Variants in DTD1 observed in about 807,000 individuals in gnomAD.
The protein encoded by DTD1 is D-aminoacyl-tRNA deacylase 1.
DTD1 carries 13 observed loss-of-function variants against 25.6 expected under a neutral mutation model. The ratio of observed to expected loss-of-function variants is 0.51; its 90% CI spans 0.33 to 0.81. The LOEUF is 0.81. Ranked by LOEUF, DTD1 falls within the 30% of genes least tolerant of loss-of-function variation. DTD1 has a pLI of 0.02. For synonymous variants in DTD1, 110 were observed against 103.6 expected (o/e 1.06, Z -0.37); for missense variants, 193 against 266.4 (o/e 0.72, Z 1.92).
intron 4 of DTD1, among the ~76,000 whole-genome samples, chr20:18,690,983 T>A (rs2061044432): frequency 6.6e-6 from 1 of 152,198 alleles, no homozygotes; most frequent in Non-Finnish European, 1.5e-5. Flanking sequence ...TCAAAAGAAG[T>A]CATATGCATG....
chr20:18,625,559 C>A (rs1051984200), intron 3 of DTD1, among the ~76,000 whole-genome samples: 1 of 152,194 alleles, frequency 6.6e-6, no homozygotes, highest in Non-Finnish European at 1.5e-5. Flanking sequence ...TGGATGCTAG[C>A]GGCTTCCAGA....
At chr20:18,599,472 G>T (rs946431035) in intron 3 of DTD1, among the ~76,000 whole-genome samples, 2 of 152,208 alleles carry the variant, frequency 1.3e-5, no homozygotes, top group African/African-American at 4.8e-5. Flanking sequence ...ACCATGCCTG[G>T]CCAAACATCT....
At position 18,719,271 on chromosome 20, in the gene DTD1, T is replaced by C. The variant is rs575120478; in HGVS notation, c.478-24829T>C. On this transcript the variant is annotated intron_variant, in intron 4 of 5. Coordinates refer to ENST00000377452, the MANE Select transcript of DTD1 (RefSeq NM_080820.6). The stretch of plus-strand genomic sequence containing the variant: ...TGTGTGTGTGTGTGTGTGTGTGTGT[T>C]TGTGTATCTTGATTATTCATGTATT... Among the ~76,000 whole-genome samples, 294 of 142,120 alleles carry C rather than the reference T, an allele frequency of 2.1e-3. 13 individuals carry two copies. The South Asian group carries it at 0.057, about 27-fold the overall frequency. The allele number at this position is 142,120 out of a possible 152,430, so 93.2% of individuals were successfully genotyped here. A position where few individuals can be genotyped will look rare whatever the true frequency, so the allele number is the denominator to read the frequency against.
chr20:18,661,356 G>A (rs2060909006), intron 4 of DTD1, among the ~76,000 whole-genome samples: 1 of 146,104 alleles, frequency 6.8e-6, no homozygotes, highest in Admixed American at 7.0e-5. Context: ...TTTTTACTGT[G>A]TTGAGTCTTC....
At chr20:18,650,438 T>C (rs2060870019) in intron 4 of DTD1, among the ~76,000 whole-genome samples, 1 of 152,118 alleles carries the variant, frequency 6.6e-6, no homozygotes, top group Non-Finnish European at 1.5e-5. Flanking sequence ...TGGCCATCCT[T>C]CTCCATGATG....
At chr20:18,676,697 A>G (rs1286437353) in intron 4 of DTD1, among the ~76,000 whole-genome samples, 1 of 152,182 alleles carries the variant, frequency 6.6e-6, no homozygotes, top group East Asian at 1.9e-4. Flanking sequence ...CTTGAAGACC[A>G]GAGATGTCCT....
intron 4 of DTD1, among the ~76,000 whole-genome samples, chr20:18,708,180 T>G: frequency 1.0e-5 from 1 of 97,480 alleles, no homozygotes; most frequent in South Asian, 3.1e-4. Flanking sequence ...TGTATATATA[T>G]ATTTTATATA....
intron 4 of DTD1, among the ~76,000 whole-genome samples, chr20:18,650,021 T>C (rs1488997764): frequency 6.6e-6 from 1 of 152,164 alleles, no homozygotes; most frequent in Non-Finnish European, 1.5e-5. Flanking sequence ...GAGACTAGGC[T>C]GGGCAACACA....
chr20:18,632,434 G>A, intron 4 of DTD1: 1 of 985,498 alleles, frequency 1.0e-6, no homozygotes, highest in Non-Finnish European at 1.2e-6. Flanking sequence ...TTAGGTTGGT[G>A]CTGGCCTGTG....
At chr20:18,702,981 G>A (rs775695492) in intron 4 of DTD1, among the ~76,000 whole-genome samples, 16 of 152,104 alleles carry the variant, frequency 1.1e-4, no homozygotes, top group Non-Finnish European at 1.6e-4. Flanking sequence ...CTGTCCTGCT[G>A]GGTGGGTCAG....
chr20:18,696,549 T>C (rs1342007571), intron 4 of DTD1, among the ~76,000 whole-genome samples: 2 of 152,034 alleles, frequency 1.3e-5, no homozygotes, highest in Non-Finnish European at 2.9e-5. Context: ...AACTGTAGTT[T>C]TTGTTTGTTT....
chr20:18,651,275 C>T (rs901761470), intron 4 of DTD1, among the ~76,000 whole-genome samples: 5 of 152,190 alleles, frequency 3.3e-5, no homozygotes, highest in African/African-American at 1.2e-4. Context: ...CCTCAGCTTC[C>T]AGAGTAGCTG....
intron 4 of DTD1, among the ~76,000 whole-genome samples, chr20:18,686,923 T>C (rs955361765): frequency 2.6e-5 from 4 of 152,290 alleles, no homozygotes; most frequent in African/African-American, 9.6e-5. Flanking sequence ...TCCACAAATA[T>C]TTATTTAGCA....
At chr20:18,756,566 G>T in intron 5 of DTD1, among the ~76,000 whole-genome samples, 1 of 152,194 alleles carries the variant, frequency 6.6e-6, no homozygotes. Flanking sequence ...TTTTGTCAAA[G>T]ATCAGATAGT....
In DTD1 at chr20:18,617,391, TAC is replaced by T. The variant is rs1036859244; in HGVS notation, c.371-10728_371-10727del. 4.0e-5 allele frequency among the ~76,000 whole-genome samples: 6 copies of T among 150,208 alleles called. No individual in the cohort carries two copies. The South Asian group carries it at 1.0e-3, about 26-fold the overall frequency. On this transcript the variant is annotated intron_variant, in intron 3 of 5. Transcript: ENST00000377452. ...ATATATAATATAATGTATATACATA[TAC>T]ACACACATATATATTTGTGACCATA...
Position 18,596,108 on chromosome 20 carries a change from G to T in DTD1, c.237G>T (p.Gln79His), listed in dbSNP as rs140341803. The change falls in exon 3 of 6, where the codon CAG (glutamine) becomes CAT (histidine). Residue 79 changes from glutamine (Q) to histidine (H), a missense_variant. Gln to His is a conservative substitution (Grantham distance 24). Coordinates refer to ENST00000377452, the MANE Select transcript of DTD1 (RefSeq NM_080820.6). ...AGTACGAGATTCTGTGTGTCAGCCA[G>T]TTTACCCTCCAGTGTGTCCTGAAGG... is the stretch of plus-strand genomic sequence containing the variant. Reference protein sequence around the residue: ...DKQYEILCVSQFTLQCVLKGN... With the variant: ...DKQYEILCVSHFTLQCVLKGN... The T allele has an allele frequency of 6.2e-7, 1 of 1,614,082 alleles. No homozygotes were observed. Among genetic ancestry groups the T allele is most frequent in the Non-Finnish European group, 8.5e-7 (1 of 1,180,040 alleles).
At chr20:18,711,904 A>C (rs1479332955) in intron 4 of DTD1, among the ~76,000 whole-genome samples, 1 of 89,708 alleles carries the variant, frequency 1.1e-5, no homozygotes, top group Non-Finnish European at 2.1e-5. Context: ...ATTAGCCAGG[A>C]GGCCGGGGTG....
At chr20:18,715,141 C>A (rs1293907704) in intron 4 of DTD1, among the ~76,000 whole-genome samples, 1 of 152,160 alleles carries the variant, frequency 6.6e-6, no homozygotes, top group African/African-American at 2.4e-5. Flanking sequence ...GGTGTCATCC[C>A]TGAGTCCTAA....
At chr20:18,760,669 C>T (rs982642536) in intron 5 of DTD1, among the ~76,000 whole-genome samples, 1 of 152,186 alleles carries the variant, frequency 6.6e-6, no homozygotes, top group East Asian at 1.9e-4. Flanking sequence ...CCCAGTTAGG[C>T]TACTCAGGGG....
Sources: gnomAD v4.1 joint callset for allele counts (sites outside exome capture counted in the v4.1 genomes callset) on GRCh38, gnomAD v4.1.1 for gene constraint, MANE v1.5 for transcripts, NCBI Gene and HGNC (gene_info 2026-07-23, HGNC 2026-07-21) for gene names.